The following AFF3 variants were observed in gnomAD, a reference collection of about 807,000 sequenced individuals.
AFF3 encodes AF4/FMR2 family member 3.
In AFF3, 32 loss-of-function variants were observed where a neutral mutation model predicts 129.7. The ratio of observed to expected loss-of-function variants is 0.25; its 90% confidence interval spans 0.19 to 0.33. The LOEUF is 0.33. Ranked by LOEUF, AFF3 falls within the 10% of genes least tolerant of loss-of-function variation. The pLI, the probability that AFF3 is intolerant of heterozygous loss-of-function variation, is 1.00. For missense variants in AFF3, 1,373 were observed against 1,592.0 expected (o/e 0.86, Z 2.34); for synonymous variants, 644 against 635.4 (o/e 1.01, Z -0.20).
At chr2:99,958,183 T>C (rs995930808) in intron 7 of AFF3, among the ~76,000 whole-genome samples, 2 of 151,948 alleles carry the variant, frequency 1.3e-5, no homozygotes, top group African/African-American at 4.8e-5. Flanking sequence ...TGGAACTGAG[T>C]AGTTACCTCA....
chr2:99,677,058 A>G (rs1674006545), intron 11 of AFF3, among the ~76,000 whole-genome samples: 1 of 152,110 alleles, frequency 6.6e-6, no homozygotes, highest in African/African-American at 2.4e-5. Flanking sequence ...CATTGAGCCC[A>G]AGAGTTCGAG....
chr2:99,579,345 C>T (rs561208122), intron 17 of AFF3, among the ~76,000 whole-genome samples: 3 of 150,010 alleles, frequency 2.0e-5, no homozygotes, highest in African/African-American at 4.9e-5. Flanking sequence ...GCAGAGGTTG[C>T]GGTGAGCCGA....
chr2:99,966,455 C>G (rs1215663992), intron 7 of AFF3, among the ~76,000 whole-genome samples: 1 of 151,708 alleles, frequency 6.6e-6, no homozygotes, highest in Non-Finnish European at 1.5e-5. Context: ...CTTTGGGAGG[C>G]CGAGGCGGGC....
chr2:99,778,586 T>C (rs936061150), intron 8 of AFF3, among the ~76,000 whole-genome samples: 3 of 152,206 alleles, frequency 2.0e-5, no homozygotes, highest in Admixed American at 2.0e-4. Context: ...TGCCAATCTA[T>C]CTTAACAATA....
At chr2:99,827,043 G>A (rs549193680) in intron 8 of AFF3, among the ~76,000 whole-genome samples, 7 of 152,308 alleles carry the variant, frequency 4.6e-5, no homozygotes, top group Non-Finnish European at 7.4e-5. Flanking sequence ...TGGACAGCCG[G>A]GGAATGAAGA....
intron 2 of AFF3, among the ~76,000 whole-genome samples, chr2:100,118,906 A>C (rs1281086805): frequency 1.3e-5 from 2 of 151,544 alleles, no homozygotes; most frequent in Non-Finnish European, 2.9e-5. Flanking sequence ...TCCTAGGTTC[A>C]AGCCAATCTC....
At chr2:99,706,730 C>T (rs1427717313) in intron 11 of AFF3, among the ~76,000 whole-genome samples, 10 of 152,084 alleles carry the variant, frequency 6.6e-5, no homozygotes, top group Non-Finnish European at 1.0e-4. Context: ...ACCATTAGGC[C>T]GATTTTTTGT....
At chr2:100,013,495 C>T (rs1573111911) in intron 4 of AFF3, among the ~76,000 whole-genome samples, 1 of 152,154 alleles carries the variant, frequency 6.6e-6, no homozygotes, top group South Asian at 2.1e-4. Flanking sequence ...GTCATAAAGA[C>T]ACACTGTGTA....
intron 4 of AFF3, among the ~76,000 whole-genome samples, chr2:100,026,273 A>G (rs1263826251): frequency 1.3e-5 from 2 of 152,206 alleles, no homozygotes; most frequent in Non-Finnish European, 2.9e-5. Flanking sequence ...ATGTTATACA[A>G]ATGGCCAACA....
At chr2:99,674,732 C>G (rs78261548) in intron 11 of AFF3, among the ~76,000 whole-genome samples, 1 of 152,066 alleles carries the variant, frequency 6.6e-6, no homozygotes, top group Admixed American at 6.6e-5. Flanking sequence ...CAATACTGTG[C>G]GTGGATTGGA....
At chr2:99,880,507 A>T (rs1447381361) in intron 7 of AFF3, among the ~76,000 whole-genome samples, 1 of 152,206 alleles carries the variant, frequency 6.6e-6, no homozygotes, top group Non-Finnish European at 1.5e-5. Context: ...AAGGCTTGAC[A>T]GGCGGCCATG....
At chr2:99,574,806 C>A (rs918226707) in intron 18 of AFF3, among the ~76,000 whole-genome samples, 1 of 152,170 alleles carries the variant, frequency 6.6e-6, no homozygotes, top group African/African-American at 2.4e-5. Context: ...GAAATCACTC[C>A]AGTGTTAATT....
chr2:100,058,226 C>T (rs1050179998), intron 4 of AFF3, among the ~76,000 whole-genome samples: 1 of 152,134 alleles, frequency 6.6e-6, no homozygotes, highest in Non-Finnish European at 1.5e-5. Flanking sequence ...AATTGAGGCT[C>T]AGAGGAAGCA....
chr2:99,576,986 G>A lies in AFF3; in HGVS notation c.2918+1341C>T, dbSNP rs115700468. ...GAAGACAGTGAGAGGAAGCGGGGTG[G>A]TGAGGGCCAGGAGTGTGTGTGGGGT... On this transcript the variant is annotated intron_variant, in intron 18 of 24. Coordinates refer to ENST00000672756, the MANE Select transcript of AFF3 (RefSeq NM_001386135.1). Among the ~76,000 whole-genome samples the A allele has an allele frequency of 5.4e-3, 820 of 152,174 alleles. 4 individuals carry two copies. Among genetic ancestry groups the A allele is most frequent in the African/African-American group, 0.019 (774 of 41,516 alleles).
At chr2:99,786,847 T>C (rs1482634967) in intron 8 of AFF3, among the ~76,000 whole-genome samples, 2 of 152,168 alleles carry the variant, frequency 1.3e-5, no homozygotes, top group African/African-American at 2.4e-5. Flanking sequence ...CACCATCTGT[T>C]CCTGACACTT....
chr2:99,876,125 C>T lies in AFF3; in HGVS notation c.874-38601G>A, dbSNP rs866957145. Among the ~76,000 whole-genome samples, 9 of 152,278 alleles carry T rather than the reference C, an allele frequency of 5.9e-5. 1 individual carries two copies. The Middle Eastern group carries it at 0.014, about 230-fold the overall frequency. On this transcript the variant is annotated intron_variant, in intron 7 of 24. Transcript: ENST00000672756. ...TTACAAAGAACCCAGTCCTGGGCCT[C>T]CTCCACTTCTCACTCCATGCTCATT...
chr2:99,868,013 T>C (rs1691569525), intron 7 of AFF3, among the ~76,000 whole-genome samples: 1 of 112,580 alleles, frequency 8.9e-6, no homozygotes, highest in African/African-American at 3.9e-5. Flanking sequence ...ACTCTCTTTC[T>C]TTCCTTTTTT....
intron 7 of AFF3, among the ~76,000 whole-genome samples, chr2:100,003,844 T>C (rs1167705764): frequency 6.6e-6 from 1 of 152,218 alleles, no homozygotes; most frequent in Non-Finnish European, 1.5e-5. Context: ...TGAGGGAATT[T>C]TCCTAGGGCT....
intron 8 of AFF3, among the ~76,000 whole-genome samples, chr2:99,765,874 A>G (rs1358752408): frequency 6.6e-6 from 1 of 152,232 alleles, no homozygotes; most frequent in African/African-American, 2.4e-5. Context: ...AACTCCCTTC[A>G]CCACTAAAGC....
Sources: allele counts gnomAD v4.1 joint callset (sites outside exome capture counted in the v4.1 genomes callset), GRCh38; gene constraint gnomAD v4.1.1; transcripts MANE v1.5; gene names NCBI Gene and HGNC (gene_info 2026-07-23, HGNC 2026-07-21).